MYCBP2: variants seen among roughly 807,000 people sequenced by gnomAD.
MYCBP2 encodes the protein E3 ubiquitin-protein ligase MYCBP2.
Under a neutral mutation model 525.3 loss-of-function variants are expected in MYCBP2, and 120 were observed. The ratio of observed to expected loss-of-function variants is 0.23; its 90% confidence interval spans 0.20 to 0.27. The LOEUF is 0.27. MYCBP2 is among the 10% of genes least tolerant of loss of function. The probability of loss-of-function intolerance (pLI) is 1.00; values close to 1 mark genes in which losing one functional copy is unlikely to be tolerated. For missense variants in MYCBP2, 4,149 were observed against 5,657.1 expected, an observed-to-expected ratio of 0.73 and a Z score of 8.55; for synonymous variants, 1,894 against 1,955.8, an observed-to-expected ratio of 0.97 and a Z score of 0.83.
intron 44 of MYCBP2, among the ~76,000 whole-genome samples, chr13:77,158,350 G>C (rs553787931): frequency 2.8e-4 from 42 of 152,218 alleles, no homozygotes; most frequent in Non-Finnish European, 4.7e-4. Context: ...TCTGCATGCT[G>C]GATAAAATGG....
intron 7 of MYCBP2, among the ~76,000 whole-genome samples, chr13:77,268,215 C>T (rs766286137): frequency 2.6e-5 from 4 of 152,152 alleles, no homozygotes; most frequent in Non-Finnish European, 4.4e-5. Flanking sequence ...GACCATACCA[C>T]TTGCCAAGTA....
chr13:77,045,414 C>A lies in MYCBP2; in HGVS notation c.14001G>T (p.Leu4667=). 1 of 1,614,154 alleles carries A rather than the reference C, an allele frequency of 6.2e-7. No homozygotes were observed. The part of the protein sequence containing the change: ...VHPPTGEEFA[L]GCGVCRNAHT... ...GGGCATTTCTGCACACTCCACATCC[C>A]AGAGCAAACTCTTCCCCAGTGGGTG... Residue 4667 remains leucine (L), a synonymous_variant, in exon 83 of 83, where the codon CTG becomes CTT. Transcript: ENST00000544440.
At chr13:77,316,618 G>C (rs1195424912) in intron 1 of MYCBP2, among the ~76,000 whole-genome samples, 1 of 148,364 alleles carries the variant, frequency 6.7e-6, no homozygotes, top group East Asian at 1.9e-4. Context: ...TCATTTCCTG[G>C]AGAAACTTTC....
chr13:77,167,286 GA>G (rs2058657019), intron 40 of MYCBP2, among the ~76,000 whole-genome samples: 1 of 151,904 alleles, frequency 6.6e-6, no homozygotes, highest in South Asian at 2.1e-4. Flanking sequence ...AGGACACTTT[GA>G]AAAAATGGTT....
intron 43 of MYCBP2, 67 bp downstream of exon 43, chr13:77,164,387 C>A (rs1037150178): frequency 3.0e-6 from 3 of 999,038 alleles, no homozygotes; most frequent in Admixed American, 4.2e-5. Context: ...TATTTTTGGC[C>A]CTTTTATAAT....
At chr13:77,151,021 C>T in intron 46 of MYCBP2, 72 bp from the exon 47 acceptor site, 1 of 1,169,850 alleles carries the variant, frequency 8.5e-7, no homozygotes, top group South Asian at 1.3e-5. Context: ...AAGCAACTTA[C>T]TATTATAAAC....
At chr13:77,256,241 C>A (rs9600844) in intron 14 of MYCBP2, among the ~76,000 whole-genome samples, 67 of 152,040 alleles carry the variant, frequency 4.4e-4, no homozygotes, top group African/African-American at 1.4e-3. Context: ...AGATAATATA[C>A]GCCAGAAAGA....
intron 55 of MYCBP2, among the ~76,000 whole-genome samples, chr13:77,114,393 G>GT (rs1395241007): frequency 3.1e-4 from 47 of 152,070 alleles, no homozygotes; most frequent in Admixed American, 3.0e-3. Context: ...TTATAATGAG[G>GT]TAACAAAAAT....
At chr13:77,201,135 G>A (rs368678020) in intron 26 of MYCBP2, among the ~76,000 whole-genome samples, 189 of 152,150 alleles carry the variant, frequency 1.2e-3, no homozygotes, top group Admixed American at 2.8e-3. Context: ...AGTGTGCTGT[G>A]TTCAGGAAAC....
intron 53 of MYCBP2, 72 bp from the exon 54 acceptor site, chr13:77,125,540 A>T: frequency 6.5e-7 from 1 of 1,544,734 alleles, no homozygotes; most frequent in South Asian, 1.2e-5. Context: ...ACCAGTAAAA[A>T]TCTTACGTGT....
chr13:77,169,487 T>C, intron 39 of MYCBP2, 127 bp downstream of exon 39: 1 of 664,218 alleles, frequency 1.5e-6, no homozygotes, highest in South Asian at 1.8e-5. Context: ...AGCAGATCTA[T>C]CTCTGCTTGT....
intron 44 of MYCBP2, among the ~76,000 whole-genome samples, chr13:77,160,268 C>T (rs537562374): frequency 1.9e-4 from 29 of 152,196 alleles, no homozygotes; most frequent in Middle Eastern, 3.4e-3. Flanking sequence ...AAACTGCCAG[C>T]GAACAAATCC....
At chr13:77,289,970 A>G (rs187421479) in intron 2 of MYCBP2, among the ~76,000 whole-genome samples, 7 of 152,318 alleles carry the variant, frequency 4.6e-5, no homozygotes, top group Admixed American at 2.0e-4. Context: ...TGCAAACCAC[A>G]TATCCAACAA....
chr13:77,319,269 A>G (rs2081317155), intron 1 of MYCBP2, among the ~76,000 whole-genome samples: 1 of 152,160 alleles, frequency 6.6e-6, no homozygotes, highest in Non-Finnish European at 1.5e-5. Context: ...ACAGTCTGCA[A>G]GCAACCCCTC....
In MYCBP2 at chr13:77,068,719, T is replaced by A; in HGVS notation, c.12017A>T (p.Asp4006Val). Residue 4006 changes from aspartate (D) to valine (V), a missense_variant, in exon 70 of 83, where the codon GAT becomes GTT. Physicochemically the swap from Asp to Val is radical, Grantham distance 152. This residue lies in a region of MYCBP2 where 64 missense variants were observed against 131.2 expected (regional missense o/e 0.49). Transcript: ENST00000544440. ...ENANSQPNDE[D>V]ASSDAYCFEL... ...AAAGCAGTAGGCATCAGAGGAGGCA[T>A]CTTCATCATTTGGCTGAGAATTGGC... 6.2e-7 allele frequency: 1 copy of A among 1,614,188 alleles called. No homozygotes were observed. Among genetic ancestry groups the A allele is most frequent in the Middle Eastern group, 1.6e-4 (1 of 6,062 alleles).
chr13:77,138,581 T>G (rs1180974320), intron 52 of MYCBP2, among the ~76,000 whole-genome samples: 1 of 152,128 alleles, frequency 6.6e-6, no homozygotes, highest in Non-Finnish European at 1.5e-5. Flanking sequence ...AAACGAAGTG[T>G]GGGTTATTAT....
At chr13:77,107,799 T>A (rs962133677) in intron 55 of MYCBP2, among the ~76,000 whole-genome samples, 3 of 152,104 alleles carry the variant, frequency 2.0e-5, no homozygotes, top group African/African-American at 7.2e-5. Context: ...GATTTGTATA[T>A]ACTCTTAGCT....
At position 77,261,297 on chromosome 13, in the gene MYCBP2, T is replaced by C. The variant is rs74933311; in HGVS notation, c.1726A>G (p.Ile576Val). 1.5e-4 allele frequency: 238 copies of C among 1,613,656 alleles called. 1 individual carries two copies. In the East Asian group the frequency reaches 4.7e-3, roughly 32 times the overall value. ...PSAGKWVELP[I>V]TKSPKIVHFS... ...TGTACTATCTTTGGAGATTTTGTAATTGGTAGCTCAACCCATTTTCCTGCT... is the reference window on the plus strand; with the variant it reads ...TGTACTATCTTTGGAGATTTTGTAACTGGTAGCTCAACCCATTTTCCTGCT... Residue 576 changes from isoleucine to valine, a missense_variant, in exon 12 of 83, where the codon ATT becomes GTT. Ile to Val is a conservative substitution (Grantham distance 29). Transcript: ENST00000544440.
chr13:77,286,608 T>C (rs1196530252), intron 3 of MYCBP2, among the ~76,000 whole-genome samples: 3 of 147,570 alleles, frequency 2.0e-5, no homozygotes, highest in Non-Finnish European at 3.0e-5. Flanking sequence ...AAAAAAAAAT[T>C]AGCCGGGCGC....
Sources: gnomAD v4.1 joint callset for allele counts (sites outside exome capture counted in the v4.1 genomes callset) on GRCh38, gnomAD v4.1.1 for gene constraint, gnomAD v4.1.1 regional missense constraint, MANE v1.5 for transcripts, NCBI Gene and HGNC (gene_info 2026-07-23, HGNC 2026-07-21) for gene names.